Variants in GGA2 observed in about 807,000 individuals in gnomAD.
GGA2 encodes the protein golgi associated, gamma adaptin ear containing, ARF binding protein 2.
In GGA2, 48 loss-of-function variants were observed where a neutral mutation model predicts 79.5. The ratio of observed to expected loss-of-function variants is 0.60; its 90% confidence interval spans 0.48 to 0.77. The LOEUF (loss-of-function observed/expected upper bound fraction) is 0.77. Among genes scored for constraint, GGA2 ranks in the 30% least tolerant of loss-of-function variants. The pLI, the probability that GGA2 is intolerant of heterozygous loss-of-function variation, is 0.00. For synonymous variants in GGA2, 317 were observed against 302.0 expected, an observed-to-expected ratio of 1.05 and a Z score of -0.51; for missense variants, 770 against 774.0, an observed-to-expected ratio of 0.99 and a Z score of 0.06.
At chr16:23,506,684 CTCCG>C (rs1222050667) in intron 1 of GGA2, among the ~76,000 whole-genome samples, 1 of 152,186 alleles carries the variant, frequency 6.6e-6, no homozygotes, top group Non-Finnish European at 1.5e-5. Flanking sequence ...AAACCCAGCT[CTCCG>C]TCCGGGTGGG....
intron 8 of GGA2, among the ~76,000 whole-genome samples, chr16:23,485,551 C>T (rs1964701082): frequency 6.6e-6 from 1 of 152,148 alleles, no homozygotes; most frequent in Admixed American, 6.5e-5. Context: ...TCGATGTTCA[C>T]ACAAAATCCC....
Position 23,466,866 on chromosome 16 carries a change from A to T in GGA2, c.*724T>A, listed in dbSNP as rs1964443689. 6.5e-6 allele frequency: 1 copy of T among 152,808 alleles called. No homozygotes were observed. The highest frequency in any genetic ancestry group is 6.6e-5 in the Admixed American group (1 of 15,262). 9.5% of individuals were successfully genotyped at this position (152,808 alleles called of 1,614,324 possible). On this transcript the variant is annotated 3_prime_UTR_variant, in exon 17 of 17. Transcript: ENST00000309859. ...AACCCATGGACCTGAGGCCTGAGTA[A>T]GGCCTGGGAGCTGCTTTCCCCTCTG...
At chr16:23,474,715 G>A (rs1964554921) in intron 14 of GGA2, among the ~76,000 whole-genome samples, 189 bp downstream of exon 14, 1 of 151,958 alleles carries the variant, frequency 6.6e-6, no homozygotes, top group Non-Finnish European at 1.5e-5. Context: ...GCCTCCCAAA[G>A]TGCTGGGATT....
At chr16:23,487,598 T>C (rs1326536470) in intron 6 of GGA2, among the ~76,000 whole-genome samples, 1 of 152,190 alleles carries the variant, frequency 6.6e-6, no homozygotes, top group South Asian at 2.1e-4. Context: ...AGTCACTCAA[T>C]CTTTGTGGGA....
chr16:23,513,237 T>A (rs9931842), upstream of GGA2, among the ~76,000 whole-genome samples: 110,034 of 151,916 alleles, frequency 0.72, 40,658 homozygotes, highest in Non-Finnish European at 0.81. Flanking sequence ...CAGAAAACCA[T>A]ATCCCAGAGC....
chr16:23,495,168 A>C (rs921975378), intron 2 of GGA2, among the ~76,000 whole-genome samples: 3 of 152,166 alleles, frequency 2.0e-5, no homozygotes, highest in Admixed American at 6.5e-5. Context: ...TCCTATCCAG[A>C]TGCTGTGGAA....
At chr16:23,516,317 A>G (rs1965102603) in intron 2 of GGA2, among the ~76,000 whole-genome samples, 1 of 151,930 alleles carries the variant, frequency 6.6e-6, no homozygotes, top group African/African-American at 2.4e-5. Context: ...CGGCCTTTTC[A>G]GCTTCTATAA....
At position 23,494,284 on chromosome 16, in the gene GGA2, CA is replaced by C; in HGVS notation, c.252+18del. The C allele has an allele frequency of 6.5e-7, 1 of 1,546,228 alleles. No homozygotes were observed. The highest frequency in any genetic ancestry group is 8.9e-7 in the Non-Finnish European group (1 of 1,117,856). On this transcript the variant is annotated intron_variant, in intron 3 of 16. Transcript: ENST00000309859. ...CACAAGGACAGGAAAGGTTAGGCTA[CA>C]AGGCAAGCCAAACTCACCGTTAAGG...
At chr16:23,495,623 TG>T in intron 2 of GGA2, 70 bp downstream of exon 2, 1 of 850,442 alleles carries the variant, frequency 1.2e-6, no homozygotes, top group Non-Finnish European at 1.9e-6. Context: ...AAAACAGTCT[TG>T]AGAGACAAAG....
intron 2 of GGA2, among the ~76,000 whole-genome samples, chr16:23,515,888 G>C (rs1965099979): frequency 1.3e-5 from 2 of 152,156 alleles, no homozygotes; most frequent in Non-Finnish European, 2.9e-5. Context: ...GCCCAGGCTG[G>C]AGTGCAGTGG....
Position 23,493,090 on chromosome 16 carries a change from G to A in GGA2, c.351+270C>T, listed in dbSNP as rs1391944283. On this transcript the variant is annotated intron_variant, in intron 4 of 16. Transcript: ENST00000309859. ...CTCTCACTGTCTCTATCAGGAACCT[G>A]TGCCTCCAAGCTGGAGTTCCTCATC... Among the ~76,000 whole-genome samples, 3 of 152,224 alleles carry A rather than the reference G, an allele frequency of 2.0e-5. No homozygotes were observed. The East Asian group carries it at 5.8e-4, about 29-fold the overall frequency.
chr16:23,486,317 C>T (rs1964712309), intron 7 of GGA2, among the ~76,000 whole-genome samples, 165 bp from the exon 8 acceptor site: 3 of 152,146 alleles, frequency 2.0e-5, no homozygotes, highest in African/African-American at 7.2e-5. Context: ...TACTCAAAAG[C>T]CCAGAGTTCC....
chr16:23,483,067 G>A (rs1964669014), intron 8 of GGA2, 63 bp from the exon 9 acceptor site: 4 of 1,018,072 alleles, frequency 3.9e-6, no homozygotes, highest in Non-Finnish European at 6.2e-6. Flanking sequence ...CCCCTCCAGG[G>A]CCCCAGGAGC....
intron 1 of GGA2, among the ~76,000 whole-genome samples, chr16:23,508,974 C>G (rs997600895): frequency 6.6e-6 from 1 of 152,126 alleles, no homozygotes; most frequent in African/African-American, 2.4e-5. Flanking sequence ...GCTGACTACG[C>G]CTGCTCATTG....
chr16:23,479,747 A>T lies in GGA2; in HGVS notation c.1129+18T>A, dbSNP rs201180104. ...CGCACCCATCCTGTGCCTGCTCCCC[A>T]CAAGCACCTGCCCTCACCCAAGGCT... On this transcript the variant is annotated intron_variant, in intron 11 of 16. Transcript: ENST00000309859. 2.4e-4 allele frequency: 384 copies of T among 1,613,198 alleles called. 1 individual carries two copies. The highest frequency in any genetic ancestry group is 3.0e-4 in the Non-Finnish European group (355 of 1,179,766).
intron 7 of GGA2, 80 bp from the exon 8 acceptor site, chr16:23,486,232 C>A (rs1007437016): frequency 7.6e-7 from 1 of 1,314,006 alleles, no homozygotes; most frequent in Non-Finnish European, 1.1e-6. Context: ...GAAAGAGTCA[C>A]TATTGAGAGA....
At chr16:23,493,567 T>TGCCTCAAGCCTATGAGGA in intron 3 of GGA2, 109 bp from the exon 4 acceptor site, 1 of 742,734 alleles carries the variant, frequency 1.3e-6, no homozygotes, top group Non-Finnish European at 2.4e-6. Flanking sequence ...AGGCTAACCC[T>TGCCTCAAGCCTATGAGGA]GCCTCAAGCC....
At chr16:23,506,642 G>T (rs762333524) in intron 1 of GGA2, among the ~76,000 whole-genome samples, 3 of 151,994 alleles carry the variant, frequency 2.0e-5, no homozygotes, top group Non-Finnish European at 4.4e-5. Flanking sequence ...CAGAATTATC[G>T]GGCCCAAGAT....
intron 1 of GGA2, among the ~76,000 whole-genome samples, chr16:23,509,629 C>G (rs1273095176): frequency 6.6e-6 from 1 of 151,704 alleles, no homozygotes; most frequent in Non-Finnish European, 1.5e-5. Context: ...TAATAATAAC[C>G]CCTAAGATGA....
Sources: gnomAD v4.1 joint callset for allele counts (sites outside exome capture counted in the v4.1 genomes callset) on GRCh38, gnomAD v4.1.1 for gene constraint, MANE v1.5 for transcripts, NCBI Gene and HGNC (gene_info 2026-07-23, HGNC 2026-07-21) for gene names.